The following HDAC9 variants were observed in gnomAD, a reference collection of about 807,000 sequenced individuals.
HDAC9 encodes the protein histone deacetylase 9, also known as MEF-2 interacting transcription repressor (MITR) protein.
A neutral mutation model predicts 139.4 loss-of-function variants in HDAC9; 41 were observed. That is an observed-to-expected ratio of 0.29 (90% CI 0.23 to 0.38). The LOEUF (loss-of-function observed/expected upper bound fraction) is 0.38, where lower values mean the gene tolerates loss of function less well. Ranked by LOEUF, HDAC9 falls within the 10% of genes least tolerant of loss-of-function variation. The pLI is 1.00. For missense variants in HDAC9, 1,147 were observed against 1,297.0 expected, an observed-to-expected ratio of 0.88 and a Z score of 1.78; for synonymous variants, 517 against 476.2, an observed-to-expected ratio of 1.09 and a Z score of -1.12.
chr7:18,854,228 A>G (rs1797508519), intron 21 of HDAC9, among the ~76,000 whole-genome samples: 1 of 152,180 alleles, frequency 6.6e-6, no homozygotes, highest in Non-Finnish European at 1.5e-5. Flanking sequence ...CACTTGGCAG[A>G]TAGTTGCTAA....
At chr7:18,176,731 C>T (rs912324659) in intron 2 of HDAC9, among the ~76,000 whole-genome samples, 21 of 152,058 alleles carry the variant, frequency 1.4e-4, no homozygotes, top group Admixed American at 7.9e-4. Context: ...CTTTGGTGTA[C>T]AGATTATTTC....
intron 8 of HDAC9, among the ~76,000 whole-genome samples, chr7:18,638,254 A>G (rs1267317776): frequency 6.6e-6 from 1 of 152,086 alleles, no homozygotes; most frequent in African/African-American, 2.4e-5. Flanking sequence ...ATGGGATTCT[A>G]TCCTATTGTG....
chr7:18,504,751 T>C (rs1799301092), intron 2 of HDAC9, among the ~76,000 whole-genome samples: 1 of 152,208 alleles, frequency 6.6e-6, no homozygotes, highest in South Asian at 2.1e-4. Context: ...AGTTTAATAA[T>C]GCAGTAGTTG....
chr7:18,498,096 A>T (rs1797403059), intron 2 of HDAC9, among the ~76,000 whole-genome samples: 1 of 152,178 alleles, frequency 6.6e-6, no homozygotes, highest in African/African-American at 2.4e-5. Flanking sequence ...TATTAAATGA[A>T]AAGTGATGTA....
chr7:18,268,470 CAGAG>C (rs1796134559), intron 2 of HDAC9, among the ~76,000 whole-genome samples: 1 of 149,114 alleles, frequency 6.7e-6, no homozygotes, highest in African/African-American at 2.4e-5. Context: ...TTTCAAGTGC[CAGAG>C]AGGTTGCAAG....
chr7:18,674,776 T>G (rs1781397099), intron 12 of HDAC9, among the ~76,000 whole-genome samples: 1 of 152,044 alleles, frequency 6.6e-6, no homozygotes, highest in Admixed American at 6.6e-5. Context: ...TTGTCCTCAG[T>G]GTCCTCCCTA....
chr7:18,802,681 C>G (rs146526820), intron 17 of HDAC9, among the ~76,000 whole-genome samples: 2 of 151,744 alleles, frequency 1.3e-5, no homozygotes, highest in East Asian at 3.9e-4. Flanking sequence ...TATTTAAAAA[C>G]TCTGTTATTA....
chr7:18,269,242 C>G (rs980978232), intron 2 of HDAC9, among the ~76,000 whole-genome samples: 1 of 152,044 alleles, frequency 6.6e-6, no homozygotes, highest in African/African-American at 2.4e-5. Context: ...AAATAAAACT[C>G]TAAACTTTGA....
At chr7:18,122,444 T>A (rs535761313) in intron 1 of HDAC9, among the ~76,000 whole-genome samples, 26 of 152,272 alleles carry the variant, frequency 1.7e-4, no homozygotes, top group African/African-American at 6.0e-4. Context: ...TTATTTTCAT[T>A]TTATAGCTGA....
chr7:18,199,682 T>C (rs1456482603), intron 2 of HDAC9, among the ~76,000 whole-genome samples: 1 of 139,194 alleles, frequency 7.2e-6, no homozygotes, highest in Non-Finnish European at 1.5e-5. Flanking sequence ...TCTGGGAGGC[T>C]GAGGCAGGAG....
intron 24 of HDAC9, among the ~76,000 whole-genome samples, chr7:18,974,616 T>A (rs1370263816): frequency 6.6e-6 from 1 of 152,216 alleles, no homozygotes; most frequent in African/African-American, 2.4e-5. Context: ...GCAAGTTAAA[T>A]AGTAATGGAC....
In HDAC9 at chr7:18,997,195, A is replaced by T. The variant is rs950812381; in HGVS notation, c.*1133A>T. On this transcript the variant is annotated 3_prime_UTR_variant, in exon 26 of 26. Transcript: ENST00000686413. Reference sequence around the variant, plus strand: ...GAAGCCGTTGAAATGAATATCACTTAAGCAACGTTGCTAAATTTCTATGTG... The same window carrying T: ...GAAGCCGTTGAAATGAATATCACTTTAGCAACGTTGCTAAATTTCTATGTG... 1 of 152,114 alleles carries T rather than the reference A, an allele frequency of 6.6e-6. No homozygotes were observed. The highest frequency in any genetic ancestry group is 1.9e-4 in the East Asian group (1 of 5,200). The allele number at this position is 152,114 out of a possible 1,614,324, so 9.4% of individuals were successfully genotyped here.
intron 12 of HDAC9, among the ~76,000 whole-genome samples, chr7:18,708,258 T>C (rs1324484839): frequency 6.6e-6 from 1 of 151,822 alleles, no homozygotes; most frequent in African/African-American, 2.4e-5. Flanking sequence ...GAATGGAGAA[T>C]GATGGAGATT....
chr7:18,208,467 C>CT (rs1383248426), intron 2 of HDAC9, among the ~76,000 whole-genome samples: 1 of 151,032 alleles, frequency 6.6e-6, no homozygotes, highest in African/African-American at 2.4e-5. Context: ...CAACTAACTC[C>CT]TGGGCTCAAG....
rs569402135 is a variant in HDAC9 at position 18,346,011 on chromosome 7, T to C, written c.-42+55496T>C. On this transcript the variant is annotated intron_variant, in intron 1 of 3. Transcript: ENST00000413509. ...TTTTAAGTTTTCAGGAACTCATTTT[T>C]CTCAATTTTTTCTAGAGAGACTAAA... 5.9e-4 allele frequency among the ~76,000 whole-genome samples: 90 copies of C among 152,204 alleles called. 2 individuals carry two copies. In the South Asian group the frequency reaches 0.016, roughly 27 times the overall value.
At chr7:18,244,231 C>G (rs1794372138) in intron 2 of HDAC9, among the ~76,000 whole-genome samples, 1 of 152,018 alleles carries the variant, frequency 6.6e-6, no homozygotes, top group Admixed American at 6.5e-5. Context: ...TTTTATGCAA[C>G]AAAAACTGGA....
At chr7:18,443,075 C>G (rs1039313696) in intron 1 of HDAC9, among the ~76,000 whole-genome samples, 1 of 152,212 alleles carries the variant, frequency 6.6e-6, no homozygotes, top group African/African-American at 2.4e-5. Context: ...TAATAGTAGT[C>G]TCTGCCCTGA....
chr7:18,667,018 T>C (rs1453253581), intron 12 of HDAC9: 7 of 985,436 alleles, frequency 7.1e-6, no homozygotes, highest in Non-Finnish European at 8.4e-6. Context: ...TCTCTTTTTT[T>C]AGTTAAGTAG....
chr7:18,816,553 G>A (rs993023482), intron 17 of HDAC9, among the ~76,000 whole-genome samples: 1 of 152,146 alleles, frequency 6.6e-6, no homozygotes, highest in Non-Finnish European at 1.5e-5. Context: ...AAGAGGAATC[G>A]GAGCCAATTG....
Sources: allele counts gnomAD v4.1 joint callset (sites outside exome capture counted in the v4.1 genomes callset), GRCh38; gene constraint gnomAD v4.1.1; transcripts MANE v1.5; gene names NCBI Gene and HGNC (gene_info 2026-07-23, HGNC 2026-07-21).